The following GABBR2 variants were observed in gnomAD, a reference collection of about 807,000 sequenced individuals.
GABBR2 encodes the protein gamma-aminobutyric acid type B receptor subunit 2.
A neutral mutation model predicts 105.6 loss-of-function variants in GABBR2; 23 were observed. The observed-to-expected ratio is 0.22, with a 90% CI of 0.16 to 0.31. The LOEUF (loss-of-function observed/expected upper bound fraction) is 0.31, where lower values mean the gene tolerates loss of function less well. Ranked by LOEUF, GABBR2 falls within the 10% of genes least tolerant of loss-of-function variation. The pLI is 1.00. For synonymous variants in GABBR2, 478 were observed against 499.7 expected (o/e 0.96, Z 0.58); for missense variants, 734 against 1,245.5 (o/e 0.59, Z 6.18).
chr9:98,299,863 TATA>T (rs1263597275), intron 16 of GABBR2, among the ~76,000 whole-genome samples: 1 of 152,182 alleles, frequency 6.6e-6, no homozygotes, highest in African/African-American at 2.4e-5. Flanking sequence ...AACTTGCTAC[TATA>T]ATAATATTAC....
intron 13 of GABBR2, among the ~76,000 whole-genome samples, chr9:98,324,410 T>A (rs902091692): frequency 1.3e-5 from 2 of 151,976 alleles, no homozygotes; most frequent in Non-Finnish European, 2.9e-5. Context: ...CGGGTTCTCC[T>A]CTGAGAAATG....
intron 13 of GABBR2, among the ~76,000 whole-genome samples, chr9:98,346,633 C>T (rs959163871): frequency 1.2e-4 from 19 of 152,182 alleles, no homozygotes; most frequent in Admixed American, 4.6e-4. Context: ...TATAGTTAAC[C>T]GTATTCATCC....
Position 98,388,619 on chromosome 9 carries a change from CTGTGTGTGTG to C in GABBR2, c.1529+225_1529+234del, listed in dbSNP as rs113747643. On this transcript the variant is annotated intron_variant, in intron 10 of 18. Transcript: ENST00000259455. The surrounding 1 kb of genome is among the most constrained non-coding windows in gnomAD (Gnocchi z 4.4). Reference sequence around the variant, plus strand: ...TCCTGTGCAACCAGCAGCCTGGCCTCTGTGTGTGTGTGTGTGTGTGTGTGTGTGTGTGTGT... The same window carrying C: ...TCCTGTGCAACCAGCAGCCTGGCCTCTGTGTGTGTGTGTGTGTGTGTGTGT... Among the ~76,000 whole-genome samples the C allele has an allele frequency of 0.038, 5,494 of 144,508 alleles. 261 individuals are homozygous for C. Among genetic ancestry groups the C allele is most frequent in the African/African-American group, 0.11 (4,485 of 39,202 alleles). 94.8% of individuals were successfully genotyped at this position (144,508 alleles called of 152,430 possible).
At position 98,677,473 on chromosome 9, in the gene GABBR2, T is replaced by C. The variant is rs142391621; in HGVS notation, c.321+30944A>G. ...TTTTTTCTGGTCCTCATGGTGGTTA[T>C]TGGCTATGTATTCTCTCTTTAGATC... On this transcript the variant is annotated intron_variant, in intron 1 of 18. Coordinates refer to ENST00000259455, the MANE Select transcript of GABBR2 (RefSeq NM_005458.8). Among the ~76,000 whole-genome samples the C allele has an allele frequency of 3.2e-4, 48 of 152,370 alleles. 1 individual carries two copies. In the East Asian group the frequency reaches 8.7e-3, roughly 28 times the overall value.
chr9:98,608,630 ATTG>A (rs1384525894), intron 1 of GABBR2, among the ~76,000 whole-genome samples: 4 of 152,200 alleles, frequency 2.6e-5, no homozygotes, highest in African/African-American at 9.6e-5. Flanking sequence ...TGACACTTCC[ATTG>A]TTTAAAAATA....
intron 3 of GABBR2, among the ~76,000 whole-genome samples, chr9:98,540,364 A>G (rs557617373): frequency 4.7e-4 from 71 of 152,374 alleles, no homozygotes; most frequent in African/African-American, 1.5e-3. Context: ...GAAGCCCTGC[A>G]GGGAGGCATG....
At chr9:98,528,869 T>C (rs1930425) in intron 3 of GABBR2, among the ~76,000 whole-genome samples, 52,500 of 152,026 alleles carry the variant, frequency 0.35, 9,324 homozygotes, top group Middle Eastern at 0.49. Flanking sequence ...TTTGGCAATA[T>C]GTACAAAAGG....
chr9:98,613,636 A>G (rs560384908), intron 1 of GABBR2, among the ~76,000 whole-genome samples: 2 of 152,374 alleles, frequency 1.3e-5, no homozygotes, highest in African/African-American at 4.8e-5. Flanking sequence ...TCTCTTCAGT[A>G]ACAAGAGACC....
At chr9:98,452,323 C>T (rs991830300) in intron 7 of GABBR2, among the ~76,000 whole-genome samples, 18 of 152,244 alleles carry the variant, frequency 1.2e-4, no homozygotes, top group African/African-American at 1.9e-4. Flanking sequence ...GCCCACTCAA[C>T]GTATTCTTCA....
chr9:98,520,655 G>C (rs1201825373), intron 3 of GABBR2, among the ~76,000 whole-genome samples: 1 of 152,242 alleles, frequency 6.6e-6, no homozygotes, highest in East Asian at 1.9e-4. Context: ...TGAAGCACAA[G>C]GCTTTCAAAG....
chr9:98,515,037 C>T (rs1827730562), intron 3 of GABBR2, among the ~76,000 whole-genome samples: 1 of 152,154 alleles, frequency 6.6e-6, no homozygotes, highest in Non-Finnish European at 1.5e-5. Context: ...TCAGCTCCCT[C>T]AGAGACAGAA....
chr9:98,613,682 C>G (rs531787389), intron 1 of GABBR2, among the ~76,000 whole-genome samples: 1 of 152,302 alleles, frequency 6.6e-6, no homozygotes, highest in East Asian at 1.9e-4. Context: ...AACTGCATGC[C>G]TGGAATTCTG....
At position 98,527,377 on chromosome 9, in the gene GABBR2, A is replaced by T. The variant is rs368551523; in HGVS notation, c.630+14496T>A. ...TGCAGTACCGCCTCAATGAAAAATGATGAAAATAAAGATGCCATAATGCTG... is the reference window on the plus strand; with the variant it reads ...TGCAGTACCGCCTCAATGAAAAATGTTGAAAATAAAGATGCCATAATGCTG... On this transcript the variant is annotated intron_variant, in intron 3 of 18. Coordinates refer to ENST00000259455, the MANE Select transcript of GABBR2 (RefSeq NM_005458.8). 1.1e-4 allele frequency among the ~76,000 whole-genome samples: 17 copies of T among 152,210 alleles called. No homozygotes were observed. In the East Asian group the frequency reaches 1.3e-3, roughly 12 times the overall value.
At chr9:98,673,841 A>G (rs182130120) in intron 1 of GABBR2, among the ~76,000 whole-genome samples, 1 of 152,310 alleles carries the variant, frequency 6.6e-6, no homozygotes, top group Non-Finnish European at 1.5e-5. Flanking sequence ...ACCTACGCTC[A>G]CTGCTAACAC....
intron 1 of GABBR2, among the ~76,000 whole-genome samples, chr9:98,689,477 A>G (rs1266241246): frequency 6.6e-6 from 1 of 152,214 alleles, no homozygotes; most frequent in Admixed American, 6.5e-5. Flanking sequence ...CGGTGCTAAT[A>G]GTAGGATATA....
chr9:98,681,054 A>C (rs1402185214), intron 1 of GABBR2, among the ~76,000 whole-genome samples: 2 of 151,904 alleles, frequency 1.3e-5, no homozygotes, highest in East Asian at 1.9e-4. Context: ...GGGATCTAGA[A>C]CTAGAAATAC....
intron 1 of GABBR2, among the ~76,000 whole-genome samples, chr9:98,657,897 TGC>T (rs924105917): frequency 4.6e-5 from 7 of 152,204 alleles, no homozygotes; most frequent in African/African-American, 1.7e-4. Context: ...CTTTGTCTTC[TGC>T]CATGACTGTA....
intron 7 of GABBR2, among the ~76,000 whole-genome samples, chr9:98,409,796 T>C (rs1344474482): frequency 6.6e-6 from 1 of 152,160 alleles, no homozygotes; most frequent in Non-Finnish European, 1.5e-5. Context: ...TGCCACTGCA[T>C]CACATTTTGA....
At chr9:98,674,922 C>T (rs1205219710) in intron 1 of GABBR2, among the ~76,000 whole-genome samples, 1 of 152,150 alleles carries the variant, frequency 6.6e-6, no homozygotes, top group East Asian at 1.9e-4. Flanking sequence ...TTTCTGCCTC[C>T]CTAGGCTTCA....
Sources: allele counts gnomAD v4.1 joint callset (sites outside exome capture counted in the v4.1 genomes callset), GRCh38; gene constraint gnomAD v4.1.1; non-coding constraint Gnocchi (gnomAD v3.1); transcripts MANE v1.5; gene names NCBI Gene and HGNC (gene_info 2026-07-23, HGNC 2026-07-21).